NUP133: variants seen among roughly 807,000 people sequenced by gnomAD.
NUP133 encodes the protein nuclear pore complex protein Nup133.
Under a neutral mutation model 146.2 loss-of-function variants are expected in NUP133, and 66 were observed. The observed-to-expected ratio is 0.45, with a 90% CI of 0.37 to 0.55. NUP133 has a LOEUF of 0.55. Ranked by LOEUF, NUP133 falls within the 20% of genes least tolerant of loss-of-function variation. The probability of loss-of-function intolerance (pLI) is 0.00; values close to 1 mark genes in which losing one functional copy is unlikely to be tolerated. For synonymous variants in NUP133, 521 were observed against 498.8 expected (o/e 1.04, Z -0.59); for missense variants, 1,277 against 1,374.8 (o/e 0.93, Z 1.12).
At chr1:229,459,353 T>C (rs534306151) in intron 20 of NUP133, among the ~76,000 whole-genome samples, 2 of 152,158 alleles carry the variant, frequency 1.3e-5, no homozygotes, top group Non-Finnish European at 2.9e-5. Context: ...TGAGACCCTG[T>C]CTCTAAAAAA....
intron 2 of NUP133, among the ~76,000 whole-genome samples, chr1:229,505,551 T>G (rs545875741): frequency 1.9e-4 from 22 of 118,510 alleles, no homozygotes; most frequent in African/African-American, 6.3e-4. Context: ...GTATTATACA[T>G]CTCAATTACA....
intron 8 of NUP133, among the ~76,000 whole-genome samples, chr1:229,492,291 G>C (rs1661544075): frequency 6.6e-6 from 1 of 151,970 alleles, no homozygotes; most frequent in South Asian, 2.1e-4. Flanking sequence ...ATTTTTAGTA[G>C]AGATGGGGTT....
intron 19 of NUP133, 128 bp downstream of exon 19, chr1:229,463,415 T>C: frequency 9.5e-7 from 1 of 1,051,818 alleles, no homozygotes; most frequent in Non-Finnish European, 1.3e-6. Context: ...TAGTATCTTC[T>C]CATCAAAGTT....
intron 11 of NUP133, among the ~76,000 whole-genome samples, chr1:229,485,752 TG>T (rs1175221116): frequency 6.6e-6 from 1 of 152,156 alleles, no homozygotes; most frequent in African/African-American, 2.4e-5. Flanking sequence ...TAAATGTAGT[TG>T]CTCCAGGCAA....
At position 229,499,736 on chromosome 1, in the gene NUP133, G is replaced by C. The variant is rs1376685104; in HGVS notation, c.596C>G (p.Ala199Gly). Residue 199 changes from alanine to glycine, a missense_variant, in exon 5 of 26, where the codon GCT becomes GGT. Ala to Gly is a moderately conservative substitution (Grantham distance 60). Transcript: ENST00000261396. ...SLAGEDTYTEAFVDSGGDKTY... is the reference protein window; with the variant it reads ...SLAGEDTYTEGFVDSGGDKTY... ...CTTATCACCTCCCGAATCTACAAAA[G>C]CCTCTGTGTAGGTATCTTCACCAGC... The C allele has an allele frequency of 1.9e-6, 3 of 1,613,938 alleles. No homozygotes were observed. Among genetic ancestry groups the C allele is most frequent in the East Asian group, 4.5e-5 (2 of 44,896 alleles).
Position 229,448,167 on chromosome 1 carries a change from G to A in NUP133, c.3245+959C>T, listed in dbSNP as rs572228215. Among the ~76,000 whole-genome samples, 18 of 152,318 alleles carry A rather than the reference G, an allele frequency of 1.2e-4. No individual in the cohort carries two copies. In the South Asian group the frequency reaches 3.5e-3, roughly 30 times the overall value. On this transcript the variant is annotated intron_variant, in intron 24 of 25. Transcript: ENST00000261396. ...GGAGGAGCCGGGCGTGGTGGCTCACGCCTGTAATCCCAGCATTTTGGGAGG... is the reference window on the plus strand; with the variant it reads ...GGAGGAGCCGGGCGTGGTGGCTCACACCTGTAATCCCAGCATTTTGGGAGG...
chr1:229,441,723 A>AT lies in NUP133; in HGVS notation c.*180dup. On this transcript the variant is annotated 3_prime_UTR_variant, in exon 26 of 26. Coordinates refer to ENST00000261396, the MANE Select transcript of NUP133 (RefSeq NM_018230.3). ...ATTTCAGGTGGAAAAAACAAGTCAC[A>AT]TAACTGAAAACCAAAATCACAGTTA... is the stretch of plus-strand genomic sequence containing the variant. 1.9e-6 allele frequency: 1 copy of AT among 531,236 alleles called. No homozygotes were observed. 32.9% of individuals were successfully genotyped at this position (531,236 alleles called of 1,614,324 possible).
intron 12 of NUP133, among the ~76,000 whole-genome samples, chr1:229,479,560 G>C (rs1326606368): frequency 2.0e-5 from 3 of 152,140 alleles, no homozygotes. Flanking sequence ...GGGAACAACT[G>C]TATAAGAATG....
At chr1:229,505,739 T>C (rs1444249803) in intron 2 of NUP133, among the ~76,000 whole-genome samples, 1 of 151,420 alleles carries the variant, frequency 6.6e-6, no homozygotes, top group Non-Finnish European at 1.5e-5. Context: ...ATACAAAAAA[T>C]TAGCTGGGCG....
intron 5 of NUP133, 144 bp downstream of exon 5, chr1:229,499,540 G>A: frequency 1.3e-6 from 1 of 799,976 alleles, no homozygotes; most frequent in Non-Finnish European, 1.9e-6. Flanking sequence ...AGCCAAAGCA[G>A]GAGTTATTGC....
chr1:229,491,011 C>T (rs1423913715), intron 8 of NUP133, among the ~76,000 whole-genome samples: 1 of 151,252 alleles, frequency 6.6e-6, no homozygotes, highest in Non-Finnish European at 1.5e-5. Flanking sequence ...GTAAGTTTTA[C>T]TCTATATAAA....
intron 2 of NUP133, among the ~76,000 whole-genome samples, chr1:229,502,658 A>G (rs777552547): frequency 3.9e-5 from 6 of 151,988 alleles, no homozygotes; most frequent in Non-Finnish European, 8.8e-5. Context: ...TGTTACAAAC[A>G]GACCAGATAG....
Position 229,441,101 on chromosome 1 carries a change from C to T in NUP133, c.*803G>A, listed in dbSNP as rs1660172938. ...AGTACCTTTCAGTCACATCAATTGC[C>T]ATATTAGGAAAACCTATAATGGTTT... On this transcript the variant is annotated 3_prime_UTR_variant, in exon 26 of 26. Coordinates refer to ENST00000261396, the MANE Select transcript of NUP133 (RefSeq NM_018230.3). 1 of 261,490 alleles carries T rather than the reference C, an allele frequency of 3.8e-6. No individual in the cohort carries two copies. Among genetic ancestry groups the T allele is most frequent in the South Asian group, 4.5e-5 (1 of 22,272 alleles). 16.2% of individuals were successfully genotyped at this position (261,490 alleles called of 1,614,324 possible).
intron 6 of NUP133, among the ~76,000 whole-genome samples, chr1:229,496,390 C>T (rs1558107398): frequency 1.3e-5 from 2 of 152,174 alleles, no homozygotes; most frequent in Admixed American, 1.3e-4. Flanking sequence ...AGGAGAATCA[C>T]TTGAACCCAG....
chr1:229,442,362 C>T (rs185978410), intron 25 of NUP133, among the ~76,000 whole-genome samples: 1 of 152,170 alleles, frequency 6.6e-6, no homozygotes, highest in Admixed American at 6.5e-5. Context: ...TATATGATCC[C>T]CTATTTAGGG....
chr1:229,506,638 G>A (rs12037690), intron 1 of NUP133, among the ~76,000 whole-genome samples: 32,913 of 151,510 alleles, frequency 0.22, 3,792 homozygotes, highest in Middle Eastern at 0.27. Context: ...CCGGAGCAGT[G>A]GCTCATGTCT....
At chr1:229,506,569 G>C (rs915062709) in intron 1 of NUP133, among the ~76,000 whole-genome samples, 1 of 148,536 alleles carries the variant, frequency 6.7e-6, no homozygotes, top group Non-Finnish European at 1.5e-5. Context: ...TATAAATATT[G>C]GCTTAGATGA....
intron 12 of NUP133, among the ~76,000 whole-genome samples, chr1:229,481,487 T>A (rs920319563): frequency 6.6e-6 from 1 of 152,000 alleles, no homozygotes; most frequent in African/African-American, 2.4e-5. Context: ...GGTGGGTGGA[T>A]CTTGAGTCCA....
chr1:229,448,715 G>C (rs1660369538), intron 24 of NUP133: 1 of 192,876 alleles, frequency 5.2e-6, no homozygotes, highest in Admixed American at 5.4e-5. Context: ...GGGGTCATCG[G>C]GACCGCTCTC....
Sources: allele counts gnomAD v4.1 joint callset (sites outside exome capture counted in the v4.1 genomes callset), GRCh38; gene constraint gnomAD v4.1.1; transcripts MANE v1.5; gene names NCBI Gene and HGNC (gene_info 2026-07-23, HGNC 2026-07-21).